The following ALAS1 variants were observed in gnomAD, a reference collection of about 807,000 sequenced individuals.
ALAS1 encodes 5'-aminolevulinate synthase 1.
A neutral mutation model predicts 59.6 loss-of-function variants in ALAS1; 29 were observed. The ratio of observed to expected loss-of-function variants is 0.49; its 90% CI spans 0.36 to 0.66. The LOEUF (loss-of-function observed/expected upper bound fraction) is 0.66. Ranked by LOEUF, ALAS1 falls within the 30% of genes least tolerant of loss-of-function variation. The pLI is 0.00. For missense variants in ALAS1, 690 were observed against 807.5 expected, an observed-to-expected ratio of 0.85 and a Z score of 1.76; for synonymous variants, 299 against 296.6, an observed-to-expected ratio of 1.01 and a Z score of -0.08.
At position 52,211,508 on chromosome 3, in the gene ALAS1, G is replaced by A. The variant is rs1176033116; in HGVS notation, c.1556G>A (p.Gly519Asp). Residue 519 changes from glycine (G) to aspartate (D), a missense_variant, in exon 10 of 12, where the codon GGC becomes GAC. Transcript: ENST00000484952. ...KLMRQMLMDAGLPVVHCPSHI... is the reference protein window; with the variant it reads ...KLMRQMLMDADLPVVHCPSHI... ...ATGAGACAGATGCTAATGGATGCCGGCCTCCCTGTTGTCCACTGCCCCAGC... is the reference window on the plus strand; with the variant it reads ...ATGAGACAGATGCTAATGGATGCCGACCTCCCTGTTGTCCACTGCCCCAGC... The A allele has an allele frequency of 1.2e-6, 2 of 1,614,096 alleles. No homozygotes were observed. The highest frequency in any genetic ancestry group is 1.7e-6 in the Non-Finnish European group (2 of 1,180,048).
chr3:52,211,659 C>G (rs1052393078), intron 10 of ALAS1, 108 bp downstream of exon 10: 1 of 1,477,388 alleles, frequency 6.8e-7, no homozygotes, highest in African/African-American at 1.4e-5. Context: ...GGGGTGACTG[C>G]CAGGGCAGGG....
At position 52,211,298 on chromosome 3, in the gene ALAS1, G is replaced by C. The variant is rs779095573; in HGVS notation, c.1346G>C (p.Cys449Ser). The change falls in exon 10 of 12, where the codon TGT (cysteine) becomes TCT (serine). Residue 449 changes from cysteine to serine, a missense_variant. Cys to Ser is a moderately radical substitution (Grantham distance 112). Coordinates refer to ENST00000484952, the MANE Select transcript of ALAS1 (RefSeq NM_000688.6). ...ISGTLGKAFG[C>S]VGGYIASTSS... ...CTCCTCCCAGGCAAAGCCTTTGGTT[G>C]TGTTGGAGGGTACATCGCCAGCACG... The C allele has an allele frequency of 6.2e-7, 1 of 1,613,916 alleles. No homozygotes were observed. The highest frequency in any genetic ancestry group is 1.1e-5 in the South Asian group (1 of 91,084).
chr3:52,211,176 AAAGAT>A, intron 9 of ALAS1, 102 bp from the exon 10 acceptor site: 1 of 1,307,506 alleles, frequency 7.6e-7, no homozygotes. Context: ...AACAAATTAA[AAAGAT>A]AAGGAGAAAA....
chr3:52,206,705 C>T lies in ALAS1; in HGVS notation c.1119C>T (p.Pro373=). Residue 373 remains proline, a synonymous_variant, in exon 8 of 12, where the codon CCC becomes CCT. Transcript: ENST00000484952. ...GAGAACTGCTGCAAAGATCTGACCC[C>T]TCAGTCCCCAAGATTGTGGCATTTG... is the stretch of plus-strand genomic sequence containing the variant. ...HLRELLQRSD[P]SVPKIVAFET... 2.5e-6 allele frequency: 4 copies of T among 1,614,216 alleles called. No individual in the cohort carries two copies. The highest frequency in any genetic ancestry group is 3.4e-6 in the Non-Finnish European group (4 of 1,180,050).
Position 52,212,279 on chromosome 3 carries a change from AC to A in ALAS1, c.1622del (p.Thr541LysfsTer7). On this transcript the variant is annotated frameshift_variant, in exon 11 of 12. Coordinates refer to ENST00000484952, the MANE Select transcript of ALAS1 (RefSeq NM_000688.6). LOFTEE classifies it high-confidence loss of function. ...PVRVADAAKN[T>X]EVCDELMSRH... ...TTAGGTTGCAGATGCTGCTAAAAAC[AC>A]AGAAGTCTGTGATGAACTAATGAGC... 6.2e-7 allele frequency: 1 copy of A among 1,613,968 alleles called. No individual in the cohort carries two copies. Among genetic ancestry groups the A allele is most frequent in the Non-Finnish European group, 8.5e-7 (1 of 1,179,960 alleles).
rs1219613481 is a variant in ALAS1, at chr3:52,208,241, A to G, written c.1324A>G (p.Thr442Ala). The G allele has an allele frequency of 6.2e-7, 1 of 1,614,044 alleles. No homozygotes were observed. Among genetic ancestry groups the G allele is most frequent in the African/African-American group, 1.3e-5 (1 of 74,928 alleles). Residue 442 changes from threonine (T) to alanine (A), a missense_variant, in exon 9 of 12, where the codon ACA (threonine) becomes GCA (alanine). Thr to Ala is a moderately conservative substitution (Grantham distance 58). Transcript: ENST00000484952. Reference protein sequence around the residue: ...VMPKMDIISGTLGKAFGCVGG... With the variant: ...VMPKMDIISGALGKAFGCVGG... ...GCCAAAAATGGACATCATTTCTGGA[A>G]CACTTGGTATGTATACATTGTATTA...
intron 11 of ALAS1, 117 bp downstream of exon 11, chr3:52,212,537 GT>G (rs530365868): frequency 1.5e-3 from 1,864 of 1,208,338 alleles, no homozygotes; most frequent in South Asian, 1.7e-3. Flanking sequence ...TCTTTTTTTA[GT>G]TTTTTTTTTG....
In ALAS1 at chr3:52,208,168, G is replaced by T. The variant is rs375898725; in HGVS notation, c.1251G>T (p.Gly417=). 1.2e-6 allele frequency: 2 copies of T among 1,613,830 alleles called. No individual in the cohort carries two copies. The highest frequency in any genetic ancestry group is 4.5e-5 in the East Asian group (2 of 44,880). ...ITFVDEVHAV[G]LYGARGGGIG... is the part of the protein sequence containing the mutation. The stretch of plus-strand genomic sequence containing the variant: ...TCGTGGATGAGGTCCACGCAGTGGG[G>T]CTTTATGGGGCTCGAGGCGGAGGGA... Residue 417 remains glycine, a synonymous_variant, in exon 9 of 12, where the codon GGG becomes GGT. Coordinates refer to ENST00000484952, the MANE Select transcript of ALAS1 (RefSeq NM_000688.6).
intron 1 of ALAS1, 46 bp from the exon 2 acceptor site, chr3:52,198,626 G>C: frequency 1.6e-6 from 1 of 624,626 alleles, no homozygotes; most frequent in Middle Eastern, 4.3e-4. Flanking sequence ...GGCCCAAGGC[G>C]CTGGCCCTCA....
intron 9 of ALAS1, 38 bp from the exon 10 acceptor site, chr3:52,211,245 C>T (rs1258116111): frequency 1.2e-6 from 2 of 1,603,434 alleles, no homozygotes; most frequent in African/African-American, 1.3e-5. Flanking sequence ...GAGCAATTTA[C>T]AGCTGTTGCT....
Position 52,208,092 on chromosome 3 carries a change from G to C in ALAS1, c.1175G>C (p.Cys392Ser). 2 of 1,575,456 alleles carry C rather than the reference G, an allele frequency of 1.3e-6. No individual in the cohort carries two copies. The highest frequency in any genetic ancestry group is 1.7e-6 in the Non-Finnish European group (2 of 1,162,564). Reference sequence around the variant, plus strand: ...TCTGGTCTTTCCTCAGGGGCGGTGTGCCCACTGGAAGAGCTGTGTGATGTG... The same window carrying C: ...TCTGGTCTTTCCTCAGGGGCGGTGTCCCCACTGGAAGAGCTGTGTGATGTG... ...ETVHSMDGAV[C>S]PLEELCDVAH... The change falls in exon 9 of 12, where the codon TGC (cysteine) becomes TCC (serine). Residue 392 changes from cysteine to serine, a missense_variant. By Grantham distance (112) the Cys-to-Ser change is moderately radical. Coordinates refer to ENST00000484952, the MANE Select transcript of ALAS1 (RefSeq NM_000688.6).
intron 8 of ALAS1, among the ~76,000 whole-genome samples, chr3:52,207,735 G>T (rs1699323741): frequency 6.6e-6 from 1 of 152,052 alleles, no homozygotes; most frequent in African/African-American, 2.4e-5. Flanking sequence ...GCGATATTTG[G>T]TTTTTCCGTT....
intron 3 of ALAS1, among the ~76,000 whole-genome samples, chr3:52,201,344 C>T (rs191100358): frequency 6.6e-6 from 1 of 152,256 alleles, no homozygotes; most frequent in Non-Finnish European, 1.5e-5. Context: ...TTTTTTCTTA[C>T]TTTATTAGCA....
chr3:52,203,861 AGAGGTTGCT>A lies in ALAS1; in HGVS notation c.429_437del (p.Val144_Glu146del), dbSNP rs1559872733. On this transcript the variant is annotated splice_acceptor_variant and coding_sequence_variant, in exon 5 of 12. Coordinates refer to ENST00000484952, the MANE Select transcript of ALAS1 (RefSeq NM_000688.6). LOFTEE classifies it high-confidence loss of function. ...ATTTGTTTCTTGTTACTTTTGTTCC[AGAGGTTGCT>A]GAAACCTCAGCAGGCCCCAGTGTGG... 6.3e-7 allele frequency: 1 copy of A among 1,575,930 alleles called. No individual in the cohort carries two copies. Among genetic ancestry groups the A allele is most frequent in the Non-Finnish European group, 8.6e-7 (1 of 1,161,896 alleles).
At position 52,208,080 on chromosome 3, in the gene ALAS1, C is replaced by T; in HGVS notation, c.1166-3C>T. 1.3e-6 allele frequency: 2 copies of T among 1,554,930 alleles called. No homozygotes were observed. Among genetic ancestry groups the T allele is most frequent in the East Asian group, 2.3e-5 (1 of 43,008 alleles). Reference sequence around the variant, plus strand: ...TTCAGAGCAGTCTCTGGTCTTTCCTCAGGGGCGGTGTGCCCACTGGAAGAG... The same window carrying T: ...TTCAGAGCAGTCTCTGGTCTTTCCTTAGGGGCGGTGTGCCCACTGGAAGAG... On this transcript the variant is annotated splice_polypyrimidine_tract_variant and splice_region_variant and intron_variant, in intron 8 of 11. Coordinates refer to ENST00000484952, the MANE Select transcript of ALAS1 (RefSeq NM_000688.6).
chr3:52,205,046 G>T, intron 6 of ALAS1, 131 bp downstream of exon 6: 1 of 751,596 alleles, frequency 1.3e-6, no homozygotes, highest in South Asian at 1.8e-5. Flanking sequence ...ACTATTCTTA[G>T]CTTCTGAAAA....
intron 6 of ALAS1, 23 bp from the exon 7 acceptor site, chr3:52,205,796 ACCATGAGCTTTATTTTCTGG>A (rs1393847435): frequency 2.5e-6 from 4 of 1,571,738 alleles, no homozygotes; most frequent in East Asian, 4.6e-5. Context: ...GGTGTTGAGA[ACCATGAGCTTTATTTTCTGG>A]TTTTGTTTGT....
chr3:52,198,997 G>A, intron 2 of ALAS1, 149 bp downstream of exon 2: 1 of 1,090,714 alleles, frequency 9.2e-7, no homozygotes, highest in South Asian at 1.4e-5. Context: ...AGGTGCCTTT[G>A]TGTAGCGCTG....
chr3:52,210,473 T>C (rs1349687581), intron 9 of ALAS1, among the ~76,000 whole-genome samples: 1 of 152,150 alleles, frequency 6.6e-6, no homozygotes, highest in Non-Finnish European at 1.5e-5. Flanking sequence ...CTTAGCTTTT[T>C]TACCCTTTTA....
Sources: allele counts gnomAD v4.1 joint callset (sites outside exome capture counted in the v4.1 genomes callset), GRCh38; gene constraint gnomAD v4.1.1; transcripts MANE v1.5; gene names NCBI Gene and HGNC (gene_info 2026-07-23, HGNC 2026-07-21).